The following RPS6KB1 variants were observed in gnomAD, a reference collection of about 807,000 sequenced individuals.
RPS6KB1 encodes the protein ribosomal protein S6 kinase B1, also known as ribosomal protein S6 kinase beta-1.
Under a neutral mutation model 70.2 loss-of-function variants are expected in RPS6KB1, and 12 were observed. The observed-to-expected ratio is 0.17, with a 90% confidence interval of 0.11 to 0.28. The LOEUF is 0.28. Ranked by LOEUF, RPS6KB1 falls within the 10% of genes least tolerant of loss-of-function variation. The pLI is 1.00. For synonymous variants in RPS6KB1, 175 were observed against 211.2 expected, an observed-to-expected ratio of 0.83 and a Z score of 1.49; for missense variants, 270 against 646.6, an observed-to-expected ratio of 0.42 and a Z score of 6.32.
At chr17:59,942,452 C>G (rs1464111297) in intron 13 of RPS6KB1, among the ~76,000 whole-genome samples, 1 of 152,180 alleles carries the variant, frequency 6.6e-6, no homozygotes, top group African/African-American at 2.4e-5. Context: ...TCAAATAGCA[C>G]ATATGCTTGT....
At chr17:59,920,391 A>G (rs1390594379) in intron 4 of RPS6KB1, among the ~76,000 whole-genome samples, 2 of 152,224 alleles carry the variant, frequency 1.3e-5, no homozygotes, top group Non-Finnish European at 1.5e-5. Context: ...TAAAAAAATT[A>G]TAAGACTTGT....
chr17:59,904,594 A>G lies in RPS6KB1; in HGVS notation c.142-5968A>G, dbSNP rs1002400768. 2.7e-5 allele frequency among the ~76,000 whole-genome samples: 4 copies of G among 150,188 alleles called. No individual in the cohort carries two copies. The East Asian group carries it at 5.9e-4, about 22-fold the overall frequency. ...GTTTTAGTAGAGATTGGGTTTTGCC[A>G]TGTTGGCCAGGCTGGTGTCGAATTC... On this transcript the variant is annotated intron_variant, in intron 1 of 14. Coordinates refer to ENST00000225577, the MANE Select transcript of RPS6KB1 (RefSeq NM_003161.4).
At chr17:59,931,402 A>T in intron 6 of RPS6KB1, 1 of 501,868 alleles carries the variant, frequency 2.0e-6, no homozygotes, top group Non-Finnish European at 3.6e-6. Flanking sequence ...TCTAATGGCA[A>T]AATAAAGCAC....
intron 5 of RPS6KB1, among the ~76,000 whole-genome samples, chr17:59,926,910 A>T (rs2043639571): frequency 1.3e-5 from 2 of 152,192 alleles, no homozygotes; most frequent in Admixed American, 1.3e-4. Flanking sequence ...AATTGGGAAG[A>T]TTATTTAACA....
rs1321187669 is a variant in RPS6KB1 at position 59,950,472 on chromosome 17, A to C, written c.*3684A>C. The C allele has an allele frequency of 6.6e-6, 1 of 151,168 alleles. No individual in the cohort carries two copies. Among genetic ancestry groups the C allele is most frequent in the African/African-American group, 2.5e-5 (1 of 40,812 alleles). The allele number at this position is 151,168 out of a possible 1,614,324, so 9.4% of individuals were successfully genotyped here. ...ATTATCTTAAAGATAGGAAGGAATT[A>C]GTATACGTATCAGGTGTATAAATGG... On this transcript the variant is annotated 3_prime_UTR_variant, in exon 15 of 15. Transcript: ENST00000225577.
chr17:59,931,872 T>C (rs2043942161), intron 7 of RPS6KB1, 150 bp downstream of exon 7: 6 of 602,444 alleles, frequency 1.0e-5, no homozygotes, highest in Middle Eastern at 3.9e-4. Context: ...CTTGCTGATA[T>C]TTTAAGTCTT....
intron 2 of RPS6KB1, among the ~76,000 whole-genome samples, chr17:59,911,670 G>A (rs2144784738): frequency 6.7e-6 from 1 of 149,434 alleles, no homozygotes; most frequent in East Asian, 2.1e-4. Context: ...TCAGCCTCCT[G>A]AGTAGCTGGG....
At chr17:59,896,689 C>T (rs570150334) in intron 1 of RPS6KB1, among the ~76,000 whole-genome samples, 3 of 151,974 alleles carry the variant, frequency 2.0e-5, no homozygotes, top group East Asian at 1.9e-4. Context: ...AATATGGCCC[C>T]GATTTTGGGG....
At position 59,934,520 on chromosome 17, in the gene RPS6KB1, G is replaced by C; in HGVS notation, c.866G>C (p.Gly289Ala). The C allele has an allele frequency of 6.2e-7, 1 of 1,610,752 alleles. No homozygotes were observed. Among genetic ancestry groups the C allele is most frequent in the Non-Finnish European group, 8.5e-7 (1 of 1,177,020 alleles). ...GCATTAATGTATGACATGCTGACTG[G>C]AGCAGTAGGTGCACAGTTAAAAGCT... ...LGALMYDMLT[G>A]APPFTGENRK... Residue 289 changes from glycine to alanine, a missense_variant, in exon 9 of 15, where the codon GGA (glycine) becomes GCA (alanine). Around this residue, in one of 4 missense-constraint regions of RPS6KB1, gnomAD observed 133 missense variants for 314.7 expected, o/e 0.42. Coordinates refer to ENST00000225577, the MANE Select transcript of RPS6KB1 (RefSeq NM_003161.4). The surrounding 1 kb of genome is among the most constrained non-coding windows in gnomAD (Gnocchi z 4.8).
intron 12 of RPS6KB1, among the ~76,000 whole-genome samples, chr17:59,938,138 G>GTT (rs759698631): frequency 1.5e-5 from 1 of 66,858 alleles, no homozygotes; most frequent in Non-Finnish European, 3.3e-5. Flanking sequence ...TTCCTTAGTT[G>GTT]TTTTTTTTTT....
rs144613472 is a variant in RPS6KB1, at chr17:59,908,025, C to T, written c.142-2537C>T. 2.2e-4 allele frequency among the ~76,000 whole-genome samples: 33 copies of T among 152,026 alleles called. No individual in the cohort carries two copies. In the East Asian group the frequency reaches 4.2e-3, roughly 20 times the overall value. On this transcript the variant is annotated intron_variant, in intron 1 of 14. Transcript: ENST00000225577. The stretch of plus-strand genomic sequence containing the variant: ...GCTTAATTATTTTGTCTCGATCAGC[C>T]GCATTTTACACTAGATACCCTGGAC...
At chr17:59,910,718 T>C (rs1022037560) in intron 2 of RPS6KB1, 107 bp downstream of exon 2, 7 of 709,492 alleles carry the variant, frequency 9.9e-6, no homozygotes, top group African/African-American at 5.5e-5. Flanking sequence ...TTCTTAAATA[T>C]GTAGTCATAT....
rs564182125 is a variant in RPS6KB1 at position 59,913,581 on chromosome 17, G to T, written c.312+777G>T. ...TTCAGTATGGGGGAGGGGTAAGGGA[G>T]AACTGATTCCAAGACCTTTGCAGAT... On this transcript the variant is annotated intron_variant, in intron 3 of 14. Coordinates refer to ENST00000225577, the MANE Select transcript of RPS6KB1 (RefSeq NM_003161.4). Among the ~76,000 whole-genome samples the T allele has an allele frequency of 3.2e-4, 48 of 152,286 alleles. 1 individual carries two copies. In the South Asian group the frequency reaches 1.0e-2, roughly 32 times the overall value.
intron 5 of RPS6KB1, among the ~76,000 whole-genome samples, chr17:59,927,567 C>T (rs1286902061): frequency 1.3e-5 from 2 of 149,206 alleles, no homozygotes; most frequent in South Asian, 2.1e-4. Context: ...AGTGCAGAGG[C>T]GTGATATCGG....
chr17:59,946,896 C>A lies in RPS6KB1; in HGVS notation c.*108C>A. ...AATGACAGTTTCAGAGAGTCAATGT[C>A]ATTACATAGAACACTTCAGACACAG... On this transcript the variant is annotated 3_prime_UTR_variant, in exon 15 of 15. Transcript: ENST00000225577. The surrounding 1 kb of genome is among the most constrained non-coding windows in gnomAD (Gnocchi z 4.2). The A allele has an allele frequency of 6.4e-7, 1 of 1,563,620 alleles. No homozygotes were observed.
At chr17:59,922,379 G>A (rs1568449708) in intron 4 of RPS6KB1, among the ~76,000 whole-genome samples, 1 of 151,550 alleles carries the variant, frequency 6.6e-6, no homozygotes, top group Admixed American at 6.6e-5. Flanking sequence ...TCTGTGGAAT[G>A]ATAGAAACGG....
Position 59,931,729 on chromosome 17 carries a change from A to G in RPS6KB1, c.688+7A>G, listed in dbSNP as rs2144963365. 6.3e-7 allele frequency: 1 copy of G among 1,576,990 alleles called. No homozygotes were observed. Among genetic ancestry groups the G allele is most frequent in the Non-Finnish European group, 8.7e-7 (1 of 1,146,768 alleles). ...ATCATGCTTAATCACCAAGGTGGAGACATACCGTAAACAATTCTATAGTAA... is the reference window on the plus strand; with the variant it reads ...ATCATGCTTAATCACCAAGGTGGAGGCATACCGTAAACAATTCTATAGTAA... On this transcript the variant is annotated splice_region_variant and intron_variant, in intron 7 of 14. Transcript: ENST00000225577.
At chr17:59,909,226 C>CTTTTTTTTTTTTTTTTTTT (rs1165144356) in intron 1 of RPS6KB1, among the ~76,000 whole-genome samples, 1 of 78,126 alleles carries the variant, frequency 1.3e-5, no homozygotes, top group Admixed American at 1.8e-4. Flanking sequence ...CCGCACGTGG[C>CTTTTTTTTTTTTTTTTTTT]TTTTTTTTTT....
At position 59,900,230 on chromosome 17, in the gene RPS6KB1, A is replaced by ACACC. The variant is rs1355022894; in HGVS notation, c.141+6906_141+6907insACCC. 1.9e-3 allele frequency among the ~76,000 whole-genome samples: 262 copies of ACACC among 136,800 alleles called. 3 individuals carry two copies. Among genetic ancestry groups the ACACC allele is most frequent in the South Asian group, 4.1e-3 (17 of 4,140 alleles). 89.7% of individuals were successfully genotyped at this position (136,800 alleles called of 152,430 possible). ...CACACACACACACACACACACACACACCCCTATGTGTTTTTGTTGTGTATG... is the reference window on the plus strand; with the variant it reads ...CACACACACACACACACACACACACACACCCCCCTATGTGTTTTTGTTGTGTATG... On this transcript the variant is annotated intron_variant, in intron 1 of 14. Transcript: ENST00000225577.
Sources: allele counts gnomAD v4.1 joint callset (sites outside exome capture counted in the v4.1 genomes callset), GRCh38; gene constraint gnomAD v4.1.1; regional missense constraint gnomAD v4.1.1; non-coding constraint Gnocchi (gnomAD v3.1); transcripts MANE v1.5; gene names NCBI Gene and HGNC (gene_info 2026-07-23, HGNC 2026-07-21).